Variants in CFAP20DC observed in about 807,000 individuals in gnomAD.
CFAP20DC encodes the protein protein CFAP20DC.
Under a neutral mutation model 101.7 loss-of-function variants are expected in CFAP20DC, and 84 were observed. That is an observed-to-expected ratio of 0.83 (90% CI 0.69 to 0.99). The LOEUF is 0.99. Ranked by LOEUF, CFAP20DC falls within the 50% of genes least tolerant of loss-of-function variation. The pLI is 0.00. For synonymous variants in CFAP20DC, 359 were observed against 351.2 expected, an observed-to-expected ratio of 1.02 and a Z score of -0.25; for missense variants, 1,007 against 970.3, an observed-to-expected ratio of 1.04 and a Z score of -0.50.
intron 15 of CFAP20DC, among the ~76,000 whole-genome samples, chr3:58,796,017 A>C (rs1023349824): frequency 2.0e-5 from 3 of 152,138 alleles, no homozygotes; most frequent in South Asian, 2.1e-4. Context: ...AAGACAAATA[A>C]ATCTTGGGCA....
At chr3:58,796,960 T>A (rs1445107172) in intron 15 of CFAP20DC, among the ~76,000 whole-genome samples, 2 of 152,136 alleles carry the variant, frequency 1.3e-5, no homozygotes, top group Non-Finnish European at 2.9e-5. Context: ...GATGGCAAAT[T>A]TAGTAAATGC....
At chr3:58,794,034 A>C (rs913014984) in intron 15 of CFAP20DC, 2 of 189,760 alleles carry the variant, frequency 1.1e-5, no homozygotes, top group African/African-American at 4.7e-5. Context: ...TAACTCACTT[A>C]CTTTCATCAT....
intron 15 of CFAP20DC, chr3:58,794,341 T>C (rs775907822): frequency 4.4e-6 from 2 of 456,022 alleles, no homozygotes; most frequent in Non-Finnish European, 8.8e-6. Flanking sequence ...CTTTTAAAAA[T>C]CAATGGACAA....
At chr3:59,005,725 A>C (rs113090781) in intron 4 of CFAP20DC, among the ~76,000 whole-genome samples, 8 of 152,316 alleles carry the variant, frequency 5.3e-5, no homozygotes, top group African/African-American at 1.9e-4. Flanking sequence ...TCAATATATT[A>C]ATGTAATTAA....
At chr3:58,789,514 C>T (rs780990791) in intron 15 of CFAP20DC, among the ~76,000 whole-genome samples, 3 of 152,124 alleles carry the variant, frequency 2.0e-5, no homozygotes, top group Non-Finnish European at 2.9e-5. Flanking sequence ...CAATGATATG[C>T]TAAAAAGGCT....
intron 6 of CFAP20DC, among the ~76,000 whole-genome samples, chr3:58,893,274 G>A (rs2106873203): frequency 6.6e-6 from 1 of 152,252 alleles, no homozygotes; most frequent in South Asian, 2.1e-4. Flanking sequence ...TCGATCTCCT[G>A]ACCTCGCAAT....
Position 58,874,601 on chromosome 3 carries a change from G to A in CFAP20DC, c.716-4292C>T, listed in dbSNP as rs1311043307. On this transcript the variant is annotated intron_variant, in intron 7 of 16. Transcript: ENST00000482387. This position sits in a 1 kb window ranked among gnomAD's most constrained non-coding sequence, Gnocchi z 5.1. ...GTTCTTCCTGCCTACTAGAGTGTTT[G>A]TGTATGCTGTTCATGGCAAGAAGGC... 2.0e-5 allele frequency among the ~76,000 whole-genome samples: 3 copies of A among 152,216 alleles called. No homozygotes were observed. Among genetic ancestry groups the A allele is most frequent in the Middle Eastern group, 3.4e-3 (1 of 294 alleles).
At chr3:59,046,110 T>A (rs1362883675) in intron 3 of CFAP20DC, 119 bp downstream of exon 3, 2 of 705,742 alleles carry the variant, frequency 2.8e-6, no homozygotes, top group Non-Finnish European at 4.6e-6. Flanking sequence ...AAAAAAAAAT[T>A]CTATCATCTT....
intron 15 of CFAP20DC, among the ~76,000 whole-genome samples, chr3:58,790,769 A>T (rs1383629438): frequency 6.6e-6 from 1 of 152,204 alleles, no homozygotes; most frequent in Non-Finnish European, 1.5e-5. Context: ...TGTTCATTTT[A>T]GAGAATTCCA....
chr3:59,013,646 A>C (rs1182732623), intron 4 of CFAP20DC, among the ~76,000 whole-genome samples: 1 of 152,158 alleles, frequency 6.6e-6, no homozygotes, highest in Non-Finnish European at 1.5e-5. Flanking sequence ...CACATATTCA[A>C]TATTCTAGAT....
At chr3:58,955,573 C>G (rs2090551890) in intron 4 of CFAP20DC, among the ~76,000 whole-genome samples, 1 of 152,112 alleles carries the variant, frequency 6.6e-6, no homozygotes, top group Non-Finnish European at 1.5e-5. Flanking sequence ...TAAGTTCCTG[C>G]AAGCCTAGCC....
chr3:58,819,740 T>G (rs905528404), intron 14 of CFAP20DC, among the ~76,000 whole-genome samples: 1 of 144,910 alleles, frequency 6.9e-6, no homozygotes, highest in Non-Finnish European at 1.5e-5. Flanking sequence ...CCATTCCTTC[T>G]GAAACTATTC....
In CFAP20DC at chr3:58,914,823, T is replaced by C. The variant is rs2084510801; in HGVS notation, c.394-959A>G. ...CGAAATACATTATTTATTAAATACA[T>C]GAAGAGTATTTTCTATGTAGATGTC... On this transcript the variant is annotated intron_variant, in intron 5 of 16. Transcript: ENST00000482387. The surrounding 1 kb of genome is among the most constrained non-coding windows in gnomAD (Gnocchi z 4.9). 1 of 152,088 alleles carries C rather than the reference T, an allele frequency of 6.6e-6. No individual in the cohort carries two copies. The highest frequency in any genetic ancestry group is 6.6e-5 in the Admixed American group (1 of 15,244). The allele number at this position is 152,088 out of a possible 1,614,324, so 9.4% of individuals were successfully genotyped here.
At chr3:58,791,910 T>C (rs1307032184) in intron 15 of CFAP20DC, among the ~76,000 whole-genome samples, 1 of 152,134 alleles carries the variant, frequency 6.6e-6, no homozygotes, top group Non-Finnish European at 1.5e-5. Flanking sequence ...CCTAATTAGT[T>C]GGCTAGAATT....
chr3:58,861,024 T>C lies in CFAP20DC; in HGVS notation c.1593+2534A>G, dbSNP rs747184361. ...GGTTATATGCAAAAAATTCATACTT[T>C]TGAGGCTCCAACACTAAGATCTCAG... is the stretch of plus-strand genomic sequence containing the variant. On this transcript the variant is annotated intron_variant, in intron 12 of 16. Coordinates refer to ENST00000482387, the MANE Select transcript of CFAP20DC (RefSeq NM_001394063.1). This position sits in a 1 kb window ranked among gnomAD's most constrained non-coding sequence, Gnocchi z 4.0. 6.6e-6 allele frequency among the ~76,000 whole-genome samples: 1 copy of C among 152,126 alleles called. No homozygotes were observed. Among genetic ancestry groups the C allele is most frequent in the Non-Finnish European group, 1.5e-5 (1 of 67,998 alleles).
In CFAP20DC at chr3:58,863,558, C is replaced by A; in HGVS notation, c.1593G>T (p.Glu531Asp). The change falls in exon 12 of 17, where the codon GAG (glutamate) becomes GAT (aspartate). Residue 531 changes from glutamate (E) to aspartate (D), a missense_variant and splice_region_variant. By Grantham distance (45) the Glu-to-Asp change is conservative. Coordinates refer to ENST00000482387, the MANE Select transcript of CFAP20DC (RefSeq NM_001394063.1). This position sits in a 1 kb window ranked among gnomAD's most constrained non-coding sequence, Gnocchi z 5.9. The stretch of plus-strand genomic sequence containing the variant: ...CTACTTCACTTATCAAGCAGTGTAC[C>A]TCTTCACTGCTGTCGCCGCCGTAAA... ...DDFYGGDSSEEGNHSIQGSRG... is the reference protein window; with the variant it reads ...DDFYGGDSSEDGNHSIQGSRG... 6.2e-7 allele frequency: 1 copy of A among 1,613,714 alleles called. No individual in the cohort carries two copies. The highest frequency in any genetic ancestry group is 8.5e-7 in the Non-Finnish European group (1 of 1,179,934).
chr3:58,741,757 A>G (rs910260412), downstream of CFAP20DC, among the ~76,000 whole-genome samples: 40 of 152,014 alleles, frequency 2.6e-4, no homozygotes, highest in African/African-American at 9.7e-4. Flanking sequence ...CTGCCTCCCA[A>G]GATTTTTTTT....
chr3:59,031,663 C>T lies in CFAP20DC; in HGVS notation c.278+7894G>A, dbSNP rs560660639. Reference sequence around the variant, plus strand: ...GAGATTTAAGACTGAATAAAACAAACGTATAAATTGTTCTATCTATCTTTT... The same window carrying T: ...GAGATTTAAGACTGAATAAAACAAATGTATAAATTGTTCTATCTATCTTTT... On this transcript the variant is annotated intron_variant, in intron 4 of 16. Coordinates refer to ENST00000482387, the MANE Select transcript of CFAP20DC (RefSeq NM_001394063.1). Among the ~76,000 whole-genome samples, 32 of 152,140 alleles carry T rather than the reference C, an allele frequency of 2.1e-4. No homozygotes were observed. In the Middle Eastern group the frequency reaches 0.01, roughly 49 times the overall value.
chr3:58,842,801 C>A (rs549195507), intron 13 of CFAP20DC, among the ~76,000 whole-genome samples: 4 of 152,200 alleles, frequency 2.6e-5, no homozygotes, highest in African/African-American at 7.2e-5. Flanking sequence ...TCTCCCAGCA[C>A]GCAGCTGGAG....
Sources: allele counts gnomAD v4.1 joint callset (sites outside exome capture counted in the v4.1 genomes callset), GRCh38; gene constraint gnomAD v4.1.1; non-coding constraint Gnocchi (gnomAD v3.1); transcripts MANE v1.5; gene names NCBI Gene and HGNC (gene_info 2026-07-23, HGNC 2026-07-21).